FGF16: variants seen among roughly 807,000 people sequenced by gnomAD.
The protein encoded by FGF16 is fibroblast growth factor 16, also known as metacarpal 4-5 fusion.
In FGF16, 2 loss-of-function variants were observed where a neutral mutation model predicts 8.5. The observed-to-expected ratio is 0.24, with a 90% CI of 0.10 to 0.75. The LOEUF (loss-of-function observed/expected upper bound fraction) is 0.75, where lower values mean the gene tolerates loss of function less well. Among genes scored for constraint, FGF16 ranks in the 30% least tolerant of loss-of-function variants. The probability of loss-of-function intolerance (pLI) is 0.74; values close to 1 mark genes in which losing one functional copy is unlikely to be tolerated. For synonymous variants in FGF16, 33 were observed against 34.6 expected, an observed-to-expected ratio of 0.95 and a Z score of 0.16; for missense variants, 79 against 87.4, an observed-to-expected ratio of 0.90 and a Z score of 0.38.
chrX:77,456,718 G>C lies in FGF16; in HGVS notation c.*196G>C, dbSNP rs1173615889. On this transcript the variant is annotated 3_prime_UTR_variant, in exon 3 of 3. Coordinates refer to ENST00000439435, the MANE Select transcript of FGF16 (RefSeq NM_003868.3). ...AGGTTGGGTTATTTTGGGGAGGGAT[G>C]GGGGGCTGGGCTCGAGGGAATCTTG... 1 of 400,637 alleles carries C rather than the reference G, an allele frequency of 2.5e-6. No individual in the cohort carries two copies. Among genetic ancestry groups the C allele is most frequent in the Non-Finnish European group, 4.3e-6 (1 of 233,636 alleles). The allele number at this position is 400,637 out of a possible 1,213,427, so 33.0% of individuals were successfully genotyped here.
rs782284863 is a variant in FGF16, at chrX:77,456,332, A to G, written c.434A>G (p.Asn145Ser). ...FREQFEENWY[N>S]TYASTLYKHS... The stretch of plus-strand genomic sequence containing the variant: ...GAACAGTTTGAAGAAAACTGGTACA[A>G]CACCTATGCCTCAACCTTGTACAAA... Residue 145 changes from asparagine (N) to serine (S), a missense_variant, in exon 3 of 3, where the codon AAC becomes AGC. Physicochemically the swap from Asn to Ser is conservative, Grantham distance 46 (BLOSUM62 1). Transcript: ENST00000439435. 5.0e-6 allele frequency: 6 copies of G among 1,206,388 alleles called. No individual in the cohort carries two copies. The East Asian group carries it at 1.8e-4, about 36-fold the overall frequency.
chrX:77,447,639 G>T lies in FGF16; in HGVS notation c.-36G>T. On this transcript the variant is annotated 5_prime_UTR_variant, in exon 1 of 3. Transcript: ENST00000439435. ...CCCGTGGCCCCGGCTCGGCCCGCGC[G>T]CGCCCAGCACAACCAGCGCCGCAAT... 3.4e-6 allele frequency: 1 copy of T among 297,380 alleles called. No homozygotes were observed. Among genetic ancestry groups the T allele is most frequent in the Non-Finnish European group, 5.9e-6 (1 of 169,984 alleles). The allele number at this position is 297,380 out of a possible 1,213,427, so 24.5% of individuals were successfully genotyped here.
intron 1 of FGF16, among the ~76,000 whole-genome samples, chrX:77,449,657 G>A (rs2062551447): frequency 9.0e-6 from 1 of 111,639 alleles, no homozygotes. Context: ...TAACCTACAA[G>A]GTCAACATAA....
rs1557027199 is a variant in FGF16, at chrX:77,457,153, A to T, written c.*631A>T. On this transcript the variant is annotated 3_prime_UTR_variant, in exon 3 of 3. Coordinates refer to ENST00000439435, the MANE Select transcript of FGF16 (RefSeq NM_003868.3). Reference sequence around the variant, plus strand: ...ATATATTTATTTATTTCAAAATAATAATTTTATTTTTAATGAGAGATGCGA... The same window carrying T: ...ATATATTTATTTATTTCAAAATAATTATTTTATTTTTAATGAGAGATGCGA... 1 of 111,999 alleles carries T rather than the reference A, an allele frequency of 8.9e-6. No individual in the cohort carries two copies. The highest frequency in any genetic ancestry group is 1.9e-5 in the Non-Finnish European group (1 of 53,188). The allele number at this position is 111,999 out of a possible 1,213,427, so 9.2% of individuals were successfully genotyped here.
rs892706643 is a variant in FGF16, at chrX:77,456,362, C to T, written c.464C>T (p.Ser155Leu). ...NTYASTLYKH[S>L]DSERQYYVAL... Reference sequence around the variant, plus strand: ...TATGCCTCAACCTTGTACAAACATTCGGACTCAGAGAGACAGTATTACGTG... The same window carrying T: ...TATGCCTCAACCTTGTACAAACATTTGGACTCAGAGAGACAGTATTACGTG... The change falls in exon 3 of 3, where the codon TCG (serine) becomes TTG (leucine). Residue 155 changes from serine (S) to leucine (L), a missense_variant. Coordinates refer to ENST00000439435, the MANE Select transcript of FGF16 (RefSeq NM_003868.3). The T allele has an allele frequency of 4.1e-6, 5 of 1,210,262 alleles. No individual in the cohort carries two copies. Among genetic ancestry groups the T allele is most frequent in the South Asian group, 1.8e-5 (1 of 56,926 alleles).
chrX:77,456,291 T>A lies in FGF16; in HGVS notation c.393T>A (p.Arg131=). 8.3e-7 allele frequency: 1 copy of A among 1,209,976 alleles called. No homozygotes were observed. Among genetic ancestry groups the A allele is most frequent in the Non-Finnish European group, 1.1e-6 (1 of 893,740 alleles). ...GELYGSKKLT[R]ECVFREQFEE... is the part of the protein sequence containing the mutation. ...CACCCTCACAGAAGAAACTCACACG[T>A]GAATGTGTTTTCCGGGAACAGTTTG... Residue 131 remains arginine, a synonymous_variant, in exon 3 of 3, where the codon CGT becomes CGA. Transcript: ENST00000439435.
intron 1 of FGF16, among the ~76,000 whole-genome samples, chrX:77,450,847 G>A (rs1557026623): frequency 8.9e-6 from 1 of 111,896 alleles, no homozygotes; most frequent in African/African-American, 3.3e-5. Context: ...AGGCAGAGTA[G>A]AGAGAGGTCC....
In FGF16 at chrX:77,456,604, A is replaced by ATCCT; in HGVS notation, c.*91_*94dup. 1.1e-6 allele frequency: 1 copy of ATCCT among 911,211 alleles called. No individual in the cohort carries two copies. The highest frequency in any genetic ancestry group is 1.5e-6 in the Non-Finnish European group (1 of 647,412). The allele number at this position is 911,211 out of a possible 1,213,427, so 75.1% of individuals were successfully genotyped here. A position where few individuals can be genotyped will look rare whatever the true frequency, so the allele number is the denominator to read the frequency against. On this transcript the variant is annotated 3_prime_UTR_variant, in exon 3 of 3. Transcript: ENST00000439435. ...CAAGCACTATATTCATAGCTTTTCA[A>ATCCT]TCCTTCCTTCCTATCATTTTAGATA...
Position 77,447,785 on chromosome X carries a change from C to T in FGF16, c.111C>T (p.Arg37=). 3.4e-6 allele frequency: 1 copy of T among 298,269 alleles called. No individual in the cohort carries two copies. Among genetic ancestry groups the T allele is most frequent in the Non-Finnish European group, 5.9e-6 (1 of 170,484 alleles). 24.6% of individuals were successfully genotyped at this position (298,269 alleles called of 1,213,427 possible). The part of the protein sequence containing the change: ...LADSPGFLNE[R]LGQIEGKLQR... ...ACTCCCCAGGTTTCCTGAACGAGCG[C>T]CTGGGCCAAATCGAGGGGAAGCTGC... The change falls in exon 1 of 3, where the codon CGC becomes CGT. Residue 37 remains arginine (R), a synonymous_variant. Coordinates refer to ENST00000439435, the MANE Select transcript of FGF16 (RefSeq NM_003868.3).
intron 1 of FGF16, among the ~76,000 whole-genome samples, chrX:77,453,921 T>C (rs2062564545): frequency 9.0e-6 from 1 of 111,435 alleles, no homozygotes; most frequent in Non-Finnish European, 1.9e-5. Flanking sequence ...GAGTGTTGAG[T>C]AGAAGCAGAG....
At chrX:77,448,841 T>C (rs1248812863) in intron 1 of FGF16, among the ~76,000 whole-genome samples, 3 of 111,829 alleles carry the variant, frequency 2.7e-5, no homozygotes, top group African/African-American at 9.8e-5. Context: ...AATTTGCCAT[T>C]TTTATTTTCA....
rs1285512797 is a variant in FGF16, at chrX:77,447,453, G to A, written c.-222G>A. 3.7e-6 allele frequency: 1 copy of A among 268,986 alleles called. No homozygotes were observed. The highest frequency in any genetic ancestry group is 6.5e-6 in the Non-Finnish European group (1 of 153,044). 22.2% of individuals were successfully genotyped at this position (268,986 alleles called of 1,213,427 possible). A position where few individuals can be genotyped will look rare whatever the true frequency, so the allele number is the denominator to read the frequency against. On this transcript the variant is annotated 5_prime_UTR_variant, in exon 1 of 3. Transcript: ENST00000439435. Reference sequence around the variant, plus strand: ...GGAGGGGAAGAGGCACTTTGACTGAGAGCAAGGTCAGGAGCACGCTGCCCC... The same window carrying A: ...GGAGGGGAAGAGGCACTTTGACTGAAAGCAAGGTCAGGAGCACGCTGCCCC...
Position 77,447,561 on chromosome X carries a change from G to A in FGF16, c.-114G>A. On this transcript the variant is annotated 5_prime_UTR_variant, in exon 1 of 3. Coordinates refer to ENST00000439435, the MANE Select transcript of FGF16 (RefSeq NM_003868.3). ...CAGAGCGCGGAGCAAGCGAGCTAGC[G>A]AGGGAGCGCCGCCGAACCGCCCGCG... is the stretch of plus-strand genomic sequence containing the variant. 3.5e-6 allele frequency: 1 copy of A among 287,759 alleles called. No individual in the cohort carries two copies. The highest frequency in any genetic ancestry group is 5.0e-5 in the East Asian group (1 of 20,072). The allele number at this position is 287,759 out of a possible 1,213,427, so 23.7% of individuals were successfully genotyped here. A position where few individuals can be genotyped will look rare whatever the true frequency, so the allele number is the denominator to read the frequency against.
Position 77,454,205 on chromosome X carries a change from G to A in FGF16, c.323G>A (p.Gly108Glu), listed in dbSNP as rs868993594. The A allele has an allele frequency of 8.3e-7, 1 of 1,197,737 alleles. No individual in the cohort carries two copies. The highest frequency in any genetic ancestry group is 1.1e-6 in the Non-Finnish European group (1 of 886,362). The change falls in exon 2 of 3, where the codon GGA becomes GAA. Residue 108 changes from glycine to glutamate, a missense_variant. Gly to Glu is a moderately conservative substitution (Grantham distance 98, BLOSUM62 -2). Transcript: ENST00000439435. ...GCTGTGGGGCTGATCAGCATCCGGG[G>A]AGTGGACTCTGGCCTGTACCTAGGA... ...SLAVGLISIRGVDSGLYLGMN... is the reference protein window; with the variant it reads ...SLAVGLISIREVDSGLYLGMN...
chrX:77,456,523 T>G lies in FGF16; in HGVS notation c.*1T>G. On this transcript the variant is annotated 3_prime_UTR_variant, in exon 3 of 3. Coordinates refer to ENST00000439435, the MANE Select transcript of FGF16 (RefSeq NM_003868.3). ...CAGAGACCTCTTTCACTATAGGTAA[T>G]GAACCTCTGGTGTGCCCTCTGTGAC... 8.3e-7 allele frequency: 1 copy of G among 1,209,801 alleles called. No homozygotes were observed. Among genetic ancestry groups the G allele is most frequent in the Non-Finnish European group, 1.1e-6 (1 of 893,874 alleles).
rs782017407 is a variant in FGF16, at chrX:77,456,568, G to T, written c.*46G>T. 4.4e-6 allele frequency: 5 copies of T among 1,136,456 alleles called. No homozygotes were observed. In the Admixed American group the frequency reaches 9.2e-5, roughly 21 times the overall value. The allele number at this position is 1,136,456 out of a possible 1,213,427, so 93.7% of individuals were successfully genotyped here. ...TGTGACCCATGTACCCTGGGGCCAC[G>T]GTTGTCTCTGCAAGCACTATATTCA... is the stretch of plus-strand genomic sequence containing the variant. On this transcript the variant is annotated 3_prime_UTR_variant, in exon 3 of 3. Coordinates refer to ENST00000439435, the MANE Select transcript of FGF16 (RefSeq NM_003868.3).
intron 1 of FGF16, among the ~76,000 whole-genome samples, chrX:77,452,272 T>C (rs1381912365): frequency 8.9e-6 from 1 of 112,429 alleles, no homozygotes; most frequent in Non-Finnish European, 1.9e-5. Flanking sequence ...CCTCATATGT[T>C]CTCTTACAAG....
rs782715246 is a variant in FGF16 at position 77,454,361 on chromosome X, T to G, written c.378+101T>G. The G allele has an allele frequency of 1.9e-4, 91 of 480,190 alleles. 2 individuals carry two copies. In the African/African-American group the frequency reaches 2.2e-3, roughly 12 times the overall value. The allele number at this position is 480,190 out of a possible 1,213,427, so 39.6% of individuals were successfully genotyped here. On this transcript the variant is annotated intron_variant, in intron 2 of 2. Coordinates refer to ENST00000439435, the MANE Select transcript of FGF16 (RefSeq NM_003868.3). ...TGTAAAGCAAAAGTATAAAAATATT[T>G]ATCTGGGGACCAGGCATGGTGGCTC...
Position 77,454,272 on chromosome X carries a change from G to GTTTTTTTTT in FGF16, c.378+34_378+42dup, listed in dbSNP as rs782034788. On this transcript the variant is annotated intron_variant, in intron 2 of 2. Coordinates refer to ENST00000439435, the MANE Select transcript of FGF16 (RefSeq NM_003868.3). ...AACTCTATGGGTCGGTAAGTTTAAG[G>GTTTTTTTTT]TTTTTTTTTTTTTTTTTTTTTTTTT... The GTTTTTTTTT allele has an allele frequency of 1.5e-4, 22 of 151,449 alleles. No individual in the cohort carries two copies. Among genetic ancestry groups the GTTTTTTTTT allele is most frequent in the Admixed American group, 4.3e-4 (3 of 7,008 alleles). The allele number at this position is 151,449 out of a possible 1,213,427, so 12.5% of individuals were successfully genotyped here. A position where few individuals can be genotyped will look rare whatever the true frequency, so the allele number is the denominator to read the frequency against.
Sources: allele counts gnomAD v4.1 joint callset (sites outside exome capture counted in the v4.1 genomes callset), GRCh38; gene constraint gnomAD v4.1.1; transcripts MANE v1.5; gene names NCBI Gene and HGNC (gene_info 2026-07-23, HGNC 2026-07-21).